PTPRN2: variants seen among roughly 807,000 people sequenced by gnomAD.
PTPRN2 encodes the protein receptor-type tyrosine-protein phosphatase N2.
In PTPRN2, 74 loss-of-function variants were observed where a neutral mutation model predicts 118.8. The observed-to-expected ratio is 0.62, with a 90% CI of 0.52 to 0.76. PTPRN2 has a LOEUF of 0.76. Ranked by LOEUF, PTPRN2 falls within the 30% of genes least tolerant of loss-of-function variation. The pLI, the probability that PTPRN2 is intolerant of heterozygous loss-of-function variation, is 0.00. For synonymous variants in PTPRN2, 641 were observed against 608.0 expected, an observed-to-expected ratio of 1.05 and a Z score of -0.80; for missense variants, 1,481 against 1,394.4, an observed-to-expected ratio of 1.06 and a Z score of -0.99.
At chr7:157,838,219 C>T (rs1279718062) in intron 12 of PTPRN2, among the ~76,000 whole-genome samples, 1 of 146,194 alleles carries the variant, frequency 6.8e-6, no homozygotes, top group East Asian at 2.1e-4. Context: ...CTCCACTATG[C>T]CTACTCCAGT....
chr7:158,075,182 C>A (rs949422815), intron 11 of PTPRN2, among the ~76,000 whole-genome samples: 1 of 152,178 alleles, frequency 6.6e-6, no homozygotes, highest in Non-Finnish European at 1.5e-5. Flanking sequence ...CTCCTGCAAA[C>A]ACTTGTCAAA....
intron 13 of PTPRN2, among the ~76,000 whole-genome samples, chr7:157,664,351 C>T (rs1013548891): frequency 7.9e-5 from 12 of 152,252 alleles, no homozygotes; most frequent in African/African-American, 2.7e-4. Flanking sequence ...GTATCACCTG[C>T]GTTCATTATC....
chr7:158,341,361 C>G (rs1195409420), intron 2 of PTPRN2, among the ~76,000 whole-genome samples: 2 of 151,232 alleles, frequency 1.3e-5, no homozygotes, highest in Admixed American at 1.3e-4. Flanking sequence ...AGAGGTAACA[C>G]ATGCAGACGT....
At chr7:157,762,152 C>A (rs368707633) in intron 12 of PTPRN2, among the ~76,000 whole-genome samples, 1 of 151,958 alleles carries the variant, frequency 6.6e-6, no homozygotes, top group African/African-American at 2.4e-5. Flanking sequence ...GGTGGGACTG[C>A]AAACTAGTTC....
chr7:157,848,294 C>T (rs1423179044), intron 12 of PTPRN2, among the ~76,000 whole-genome samples: 7 of 149,510 alleles, frequency 4.7e-5, no homozygotes, highest in Admixed American at 2.0e-4. Context: ...TCTCTCATTA[C>T]ATCGTGTGTG....
At position 157,869,006 on chromosome 7, in the gene PTPRN2, A is replaced by G. The variant is rs537921016; in HGVS notation, c.1788+29667T>C. The G allele has an allele frequency of 1.3e-5, 2 of 152,340 alleles. No homozygotes were observed. Among genetic ancestry groups the G allele is most frequent in the South Asian group, 2.1e-4 (1 of 4,828 alleles). 9.4% of individuals were successfully genotyped at this position (152,340 alleles called of 1,614,324 possible). Reference sequence around the variant, plus strand: ...GAAGATTCATAAAGGCCAGTGGGATAAAGACTTCCCAATGTCCCGAAACAC... The same window carrying G: ...GAAGATTCATAAAGGCCAGTGGGATGAAGACTTCCCAATGTCCCGAAACAC... On this transcript the variant is annotated intron_variant, in intron 12 of 22. Transcript: ENST00000389418. This position sits in a 1 kb window ranked among gnomAD's most constrained non-coding sequence, Gnocchi z 4.2.
At chr7:158,183,418 G>C (rs538617112) in intron 5 of PTPRN2, among the ~76,000 whole-genome samples, 1 of 152,188 alleles carries the variant, frequency 6.6e-6, no homozygotes, top group Non-Finnish European at 1.5e-5. Flanking sequence ...GCTGCAGCGT[G>C]CTTCCCACTC....
chr7:158,446,416 G>A (rs936435358), intron 2 of PTPRN2, among the ~76,000 whole-genome samples: 21 of 152,158 alleles, frequency 1.4e-4, no homozygotes, highest in Admixed American at 1.3e-3. Context: ...GGAGTCTGTC[G>A]TGAGAGCTGG....
At chr7:158,028,235 C>G (rs1356227336) in intron 11 of PTPRN2, 2 of 152,278 alleles carry the variant, frequency 1.3e-5, no homozygotes, top group South Asian at 2.1e-4. Flanking sequence ...CTGGCCCTGA[C>G]AGGACCCTCT....
intron 12 of PTPRN2, among the ~76,000 whole-genome samples, chr7:157,793,467 G>A (rs1804654417): frequency 6.6e-6 from 1 of 152,034 alleles, no homozygotes; most frequent in Admixed American, 6.5e-5. Context: ...GAAATTGGGG[G>A]AGGAAAGGAT....
chr7:158,112,763 A>C (rs1249686254), intron 9 of PTPRN2, among the ~76,000 whole-genome samples: 1 of 151,776 alleles, frequency 6.6e-6, no homozygotes, highest in Non-Finnish European at 1.5e-5. Context: ...AGGGCAGTGC[A>C]TCCATGTGTG....
At chr7:157,883,464 A>G (rs1796276963) in intron 12 of PTPRN2, among the ~76,000 whole-genome samples, 1 of 150,324 alleles carries the variant, frequency 6.7e-6, no homozygotes, top group South Asian at 2.1e-4. Context: ...ATCGGAATGC[A>G]CCACCCCAAA....
At chr7:158,171,093 TATATATATACACATATATATACACAC>T (rs1823533886) in intron 5 of PTPRN2, among the ~76,000 whole-genome samples, 2 of 128,404 alleles carry the variant, frequency 1.6e-5, no homozygotes, top group Non-Finnish European at 3.1e-5. Context: ...TATACACACA[TATATATATACACATATATATACACAC>T]ATATATACAC....
At chr7:157,863,258 G>A (rs991328774) in intron 12 of PTPRN2, 1 of 152,232 alleles carries the variant, frequency 6.6e-6, no homozygotes, top group Non-Finnish European at 1.5e-5. Context: ...GTCTGCAGGA[G>A]GGTAGCACAC....
At chr7:158,194,526 C>T (rs1002246555) in intron 4 of PTPRN2, among the ~76,000 whole-genome samples, 16 of 152,238 alleles carry the variant, frequency 1.1e-4, no homozygotes, top group African/African-American at 3.9e-4. Context: ...ACTTGTGCTG[C>T]AGTGGACGGT....
intron 11 of PTPRN2, among the ~76,000 whole-genome samples, chr7:157,962,991 G>A (rs1331047214): frequency 6.6e-6 from 1 of 152,214 alleles, no homozygotes; most frequent in East Asian, 1.9e-4. Context: ...TATGAACGGG[G>A]TTTTCCTGTC....
intron 5 of PTPRN2, among the ~76,000 whole-genome samples, chr7:158,173,330 A>G (rs1332679212): frequency 2.0e-5 from 3 of 152,240 alleles, no homozygotes; most frequent in Non-Finnish European, 4.4e-5. Flanking sequence ...GAGTACAAAG[A>G]GGTAAATTTT....
intron 12 of PTPRN2, chr7:157,855,858 C>A (rs1809674844): frequency 6.6e-6 from 1 of 152,226 alleles, no homozygotes; most frequent in African/African-American, 2.4e-5. Context: ...GTGATTATTT[C>A]AGGGACAGCC....
chr7:158,305,051 T>A (rs76708340), intron 3 of PTPRN2, among the ~76,000 whole-genome samples: 4,059 of 152,312 alleles, frequency 0.027, 183 homozygotes, highest in African/African-American at 0.092. Context: ...CTGCTTTGTC[T>A]GTCTTCACGC....
Sources: allele counts gnomAD v4.1 joint callset (sites outside exome capture counted in the v4.1 genomes callset), GRCh38; gene constraint gnomAD v4.1.1; non-coding constraint Gnocchi (gnomAD v3.1); transcripts MANE v1.5; gene names NCBI Gene and HGNC (gene_info 2026-07-23, HGNC 2026-07-21).